KIRREL3: variants seen among roughly 807,000 people sequenced by gnomAD.
The protein encoded by KIRREL3 is kirre like nephrin family adhesion molecule 3, also known as kin of IRRE-like protein 3.
Under a neutral mutation model 89.7 loss-of-function variants are expected in KIRREL3, and 36 were observed. The observed-to-expected ratio is 0.40, with a 90% CI of 0.31 to 0.53. The LOEUF (loss-of-function observed/expected upper bound fraction) is 0.53. Among genes scored for constraint, KIRREL3 ranks in the 20% least tolerant of loss-of-function variants. KIRREL3 has a pLI of 0.49. For synonymous variants in KIRREL3, 445 were observed against 441.4 expected, an observed-to-expected ratio of 1.01 and a Z score of -0.10; for missense variants, 864 against 1,056.6, an observed-to-expected ratio of 0.82 and a Z score of 2.53.
At position 126,808,390 on chromosome 11, in the gene KIRREL3, C is replaced by T. The variant is rs984595869; in HGVS notation, c.55+192065G>A. On this transcript the variant is annotated intron_variant, in intron 1 of 16. Coordinates refer to ENST00000525144, the MANE Select transcript of KIRREL3 (RefSeq NM_032531.4). The surrounding 1 kb of genome is among the most constrained non-coding windows in gnomAD (Gnocchi z 4.1). ...TAGTCCTTGCTCCAGGGCTAACTCC[C>T]CCTCCCCTGCCCAATGTGGTGGGAG... Among the ~76,000 whole-genome samples, 2 of 152,100 alleles carry T rather than the reference C, an allele frequency of 1.3e-5. No homozygotes were observed. Among genetic ancestry groups the T allele is most frequent in the East Asian group, 1.9e-4 (1 of 5,192 alleles).
At chr11:126,916,865 G>A (rs989301916) in intron 1 of KIRREL3, among the ~76,000 whole-genome samples, 1 of 152,224 alleles carries the variant, frequency 6.6e-6, no homozygotes, top group Admixed American at 6.5e-5. Flanking sequence ...CAGTGTCCCA[G>A]ACTCTCTTCA....
At chr11:126,825,425 C>T (rs1258789246) in intron 1 of KIRREL3, among the ~76,000 whole-genome samples, 1 of 152,098 alleles carries the variant, frequency 6.6e-6, no homozygotes, top group African/African-American at 2.4e-5. Context: ...TGGTAATGTG[C>T]CTTCTTCTTT....
At chr11:126,667,133 C>T (rs1225267357) in intron 1 of KIRREL3, among the ~76,000 whole-genome samples, 1 of 152,152 alleles carries the variant, frequency 6.6e-6, no homozygotes, top group African/African-American at 2.4e-5. Context: ...CAAAGCATCT[C>T]AGTAAATAAC....
Position 126,443,650 on chromosome 11 carries a change from T to C in KIRREL3, c.1252+1329A>G, listed in dbSNP as rs559681879. Among the ~76,000 whole-genome samples the C allele has an allele frequency of 2.0e-4, 31 of 152,080 alleles. No homozygotes were observed. The highest frequency in any genetic ancestry group is 3.9e-4 in the Admixed American group (6 of 15,274). ...GGTGAATGGAGACAGTAGAGAGGTA[T>C]GGCTGAGGAGACACCAAGCTGGTTT... On this transcript the variant is annotated intron_variant, in intron 10 of 16. Coordinates refer to ENST00000525144, the MANE Select transcript of KIRREL3 (RefSeq NM_032531.4). This position sits in a 1 kb window ranked among gnomAD's most constrained non-coding sequence, Gnocchi z 7.3.
At position 126,769,238 on chromosome 11, in the gene KIRREL3, A is replaced by C. The variant is rs955476869; in HGVS notation, c.56-206326T>G. Among the ~76,000 whole-genome samples, 1 of 152,116 alleles carries C rather than the reference A, an allele frequency of 6.6e-6. No homozygotes were observed. Among genetic ancestry groups the C allele is most frequent in the Non-Finnish European group, 1.5e-5 (1 of 68,014 alleles). On this transcript the variant is annotated intron_variant, in intron 1 of 16. Coordinates refer to ENST00000525144, the MANE Select transcript of KIRREL3 (RefSeq NM_032531.4). This position sits in a 1 kb window ranked among gnomAD's most constrained non-coding sequence, Gnocchi z 4.3. The stretch of plus-strand genomic sequence containing the variant: ...GCACACGGTGTAATACATTGCCATT[A>C]CCTGCTTATGTGTCCTCCCTAGCGA...
rs145483924 is a variant in KIRREL3, at chr11:126,747,229, G to T, written c.56-184317C>A. ...CCAGCAGGCCTCATACCTCTACTCTGCCCTGACAAGTTGTAACCCTCAGTA... is the reference window on the plus strand; with the variant it reads ...CCAGCAGGCCTCATACCTCTACTCTTCCCTGACAAGTTGTAACCCTCAGTA... On this transcript the variant is annotated intron_variant, in intron 1 of 16. Transcript: ENST00000525144. The surrounding 1 kb of genome is among the most constrained non-coding windows in gnomAD (Gnocchi z 4.7). Among the ~76,000 whole-genome samples the T allele has an allele frequency of 0.011, 1,739 of 152,294 alleles. 18 individuals carry two copies. The highest frequency in any genetic ancestry group is 0.017 in the Middle Eastern group (5 of 294).
chr11:126,956,892 G>A (rs1291314574), intron 1 of KIRREL3, among the ~76,000 whole-genome samples: 1 of 152,204 alleles, frequency 6.6e-6, no homozygotes, highest in Non-Finnish European at 1.5e-5. Flanking sequence ...CACCCTTGGT[G>A]ACACAGAGGC....
chr11:126,435,895 C>T (rs1360739910), intron 12 of KIRREL3, among the ~76,000 whole-genome samples: 6 of 151,910 alleles, frequency 3.9e-5, no homozygotes, highest in Non-Finnish European at 7.4e-5. Flanking sequence ...CTCAGAGGCC[C>T]AGGCCCAGCT....
chr11:126,626,675 C>A (rs561082667), intron 1 of KIRREL3, among the ~76,000 whole-genome samples: 59 of 152,288 alleles, frequency 3.9e-4, no homozygotes, highest in Non-Finnish European at 1.5e-5. Flanking sequence ...CCTATCAGCC[C>A]GTTGATAAGT....
rs1939603559 is a variant in KIRREL3, at chr11:126,555,117, G to C, written c.133+7718C>G. On this transcript the variant is annotated intron_variant, in intron 2 of 16. Coordinates refer to ENST00000525144, the MANE Select transcript of KIRREL3 (RefSeq NM_032531.4). This position sits in a 1 kb window ranked among gnomAD's most constrained non-coding sequence, Gnocchi z 4.2. The stretch of plus-strand genomic sequence containing the variant: ...GATTCTTCCTGACACTGGACAAGAA[G>C]CTGGGTGCCGAGAGGGCAGGAGCTT... 6.6e-6 allele frequency among the ~76,000 whole-genome samples: 1 copy of C among 152,214 alleles called. No individual in the cohort carries two copies. Among genetic ancestry groups the C allele is most frequent in the Admixed American group, 6.5e-5 (1 of 15,286 alleles).
chr11:126,856,179 A>T (rs1490395827), intron 1 of KIRREL3, among the ~76,000 whole-genome samples: 1 of 152,204 alleles, frequency 6.6e-6, no homozygotes, highest in Non-Finnish European at 1.5e-5. Context: ...AAAATTCCAC[A>T]GTAATGAAAC....
rs1950812901 is a variant in KIRREL3, at chr11:126,796,404, C to G, written c.55+204051G>C. 1.3e-5 allele frequency among the ~76,000 whole-genome samples: 2 copies of G among 152,130 alleles called. No homozygotes were observed. The highest frequency in any genetic ancestry group is 1.3e-4 in the Admixed American group (2 of 15,280). ...TCATTCTGCCCGTCCTGTCCCGCAG[C>G]ATTGGGTGTGGAGGAAGGCTGAAGG... On this transcript the variant is annotated intron_variant, in intron 1 of 16. Transcript: ENST00000525144. The surrounding 1 kb of genome is among the most constrained non-coding windows in gnomAD (Gnocchi z 5.1).
In KIRREL3 at chr11:126,710,378, T is replaced by C. The variant is rs1209151751; in HGVS notation, c.56-147466A>G. On this transcript the variant is annotated intron_variant, in intron 1 of 16. Transcript: ENST00000525144. The surrounding 1 kb of genome is among the most constrained non-coding windows in gnomAD (Gnocchi z 4.2). ...TTCCCATTGAGCCCTCTCCTCTTCC[T>C]GTTGAAGTTCAGCGTGGTTCTGGAA... Among the ~76,000 whole-genome samples the C allele has an allele frequency of 6.6e-6, 1 of 152,226 alleles. No individual in the cohort carries two copies. Among genetic ancestry groups the C allele is most frequent in the Non-Finnish European group, 1.5e-5 (1 of 68,028 alleles).
intron 1 of KIRREL3, among the ~76,000 whole-genome samples, chr11:126,928,766 T>C (rs982086558): frequency 1.3e-5 from 2 of 152,140 alleles, no homozygotes; most frequent in African/African-American, 2.4e-5. Flanking sequence ...GTTTGTTTTG[T>C]TGATTGGTTT....
intron 1 of KIRREL3, among the ~76,000 whole-genome samples, chr11:126,809,407 G>A (rs573971499): frequency 6.6e-6 from 1 of 152,316 alleles, no homozygotes; most frequent in African/African-American, 2.4e-5. Flanking sequence ...GACAGACAAG[G>A]AACTGACCGT....
rs142142663 is a variant in KIRREL3 at position 126,651,086 on chromosome 11, G to A, written c.56-88174C>T. 7.2e-5 allele frequency among the ~76,000 whole-genome samples: 11 copies of A among 152,088 alleles called. No homozygotes were observed. The highest frequency in any genetic ancestry group is 2.0e-4 in the Admixed American group (3 of 15,276). ...CCCATGATTCAAATTATCTCCCACC[G>A]GGTCCCTCCCACAACACATAGGAAT... On this transcript the variant is annotated intron_variant, in intron 1 of 16. Transcript: ENST00000525144. This position sits in a 1 kb window ranked among gnomAD's most constrained non-coding sequence, Gnocchi z 4.6.
intron 2 of KIRREL3, among the ~76,000 whole-genome samples, chr11:126,539,523 C>G (rs1032955534): frequency 6.6e-6 from 1 of 152,160 alleles, no homozygotes; most frequent in Non-Finnish European, 1.5e-5. Flanking sequence ...CATGAGGACT[C>G]AGGCTAACGC....
Position 126,994,084 on chromosome 11 carries a change from C to T in KIRREL3, c.55+6371G>A, listed in dbSNP as rs1950112767. ...AAAAAATCAGCCTCAGATAAATCTA[C>T]TTTGCTTTGCCTATGAAGACAGGCA... On this transcript the variant is annotated intron_variant, in intron 1 of 16. Coordinates refer to ENST00000525144, the MANE Select transcript of KIRREL3 (RefSeq NM_032531.4). The surrounding 1 kb of genome is among the most constrained non-coding windows in gnomAD (Gnocchi z 5.2). Among the ~76,000 whole-genome samples the T allele has an allele frequency of 6.6e-6, 1 of 151,980 alleles. No individual in the cohort carries two copies.
rs1040615949 is a variant in KIRREL3, at chr11:126,684,599, A to G, written c.56-121687T>C. ...CAGGCCAGTCAGAATCGACTCACTG[A>G]TGATCAAAAAAGAGAGGACACTTAG... On this transcript the variant is annotated intron_variant, in intron 1 of 16. Coordinates refer to ENST00000525144, the MANE Select transcript of KIRREL3 (RefSeq NM_032531.4). This position sits in a 1 kb window ranked among gnomAD's most constrained non-coding sequence, Gnocchi z 4.2. Among the ~76,000 whole-genome samples the G allele has an allele frequency of 6.6e-6, 1 of 152,218 alleles. No individual in the cohort carries two copies. Among genetic ancestry groups the G allele is most frequent in the Non-Finnish European group, 1.5e-5 (1 of 68,036 alleles).
Sources: gnomAD v4.1 joint callset for allele counts (sites outside exome capture counted in the v4.1 genomes callset) on GRCh38, gnomAD v4.1.1 for gene constraint, Gnocchi (gnomAD v3.1) non-coding constraint, MANE v1.5 for transcripts, NCBI Gene and HGNC (gene_info 2026-07-23, HGNC 2026-07-21) for gene names.